The following ARHGAP15 variants were observed in gnomAD, a reference collection of about 807,000 sequenced individuals.
The protein encoded by ARHGAP15 is Rho GTPase activating protein 15.
A neutral mutation model predicts 63.7 loss-of-function variants in ARHGAP15; 51 were observed. The observed-to-expected ratio is 0.80, with a 90% CI of 0.64 to 1.01. The LOEUF is 1.01. Among genes scored for constraint, ARHGAP15 ranks in the 50% least tolerant of loss-of-function variants. The pLI, the probability that ARHGAP15 is intolerant of heterozygous loss-of-function variation, is 0.00. For synonymous variants in ARHGAP15, 191 were observed against 193.8 expected, an observed-to-expected ratio of 0.99 and a Z score of 0.12; for missense variants, 560 against 564.6, an observed-to-expected ratio of 0.99 and a Z score of 0.08.
rs202115707 is a variant in ARHGAP15, at chr2:143,467,242, CTTTTTTTTTTTTT to C, written c.704-20120_704-20108del. ...TCATGCTATTCAATTACTCCATGGC[CTTTTTTTTTTTTT>C]TTTTTTTTTTGCAGTCTTTTGTTTG... is the stretch of plus-strand genomic sequence containing the variant. On this transcript the variant is annotated intron_variant, in intron 8 of 13. Coordinates refer to ENST00000295095, the MANE Select transcript of ARHGAP15 (RefSeq NM_018460.4). Among the ~76,000 whole-genome samples, 16 of 57,918 alleles carry C rather than the reference CTTTTTTTTTTTTT, an allele frequency of 2.8e-4. No homozygotes were observed. The East Asian group carries it at 7.6e-3, about 28-fold the overall frequency. 38.0% of individuals were successfully genotyped at this position (57,918 alleles called of 152,430 possible). A position where few individuals can be genotyped will look rare whatever the true frequency, so the allele number is the denominator to read the frequency against.
rs570566483 is a variant in ARHGAP15, at chr2:143,648,381, C to A, written c.1138+24114C>A. On this transcript the variant is annotated intron_variant, in intron 12 of 13. Transcript: ENST00000295095. ...ATTAGGCAGATCTAAGTGCTAGTAGCCTACAGGGTAATTCAGATTTGAACA... is the reference window on the plus strand; with the variant it reads ...ATTAGGCAGATCTAAGTGCTAGTAGACTACAGGGTAATTCAGATTTGAACA... Among the ~76,000 whole-genome samples the A allele has an allele frequency of 4.6e-5, 7 of 152,100 alleles. No homozygotes were observed. In the South Asian group the frequency reaches 6.2e-4, roughly 14 times the overall value.
chr2:143,231,214 A>G (rs1039043989), intron 5 of ARHGAP15, among the ~76,000 whole-genome samples: 4 of 152,082 alleles, frequency 2.6e-5, no homozygotes, highest in African/African-American at 7.2e-5. Flanking sequence ...AAACAAATAC[A>G]TAATGAACAA....
At chr2:143,409,274 C>A (rs981187904) in intron 6 of ARHGAP15, among the ~76,000 whole-genome samples, 1 of 151,880 alleles carries the variant, frequency 6.6e-6, no homozygotes, top group African/African-American at 2.4e-5. Flanking sequence ...AACACAACAA[C>A]CTCATTAAAA....
intron 6 of ARHGAP15, among the ~76,000 whole-genome samples, chr2:143,297,172 A>G (rs1003802780): frequency 2.6e-5 from 4 of 151,982 alleles, no homozygotes; most frequent in Non-Finnish European, 4.4e-5. Context: ...CTGACAATTA[A>G]GCCTTAGCAA....
intron 10 of ARHGAP15, among the ~76,000 whole-genome samples, chr2:143,526,731 T>C (rs1694298453): frequency 6.6e-6 from 1 of 152,182 alleles, no homozygotes; most frequent in Non-Finnish European, 1.5e-5. Context: ...TTGCATGCAT[T>C]TGGAAAGCTT....
At chr2:143,384,763 A>C (rs887149293) in intron 6 of ARHGAP15, among the ~76,000 whole-genome samples, 3 of 152,192 alleles carry the variant, frequency 2.0e-5, no homozygotes, top group African/African-American at 7.2e-5. Context: ...AATCAGAGAC[A>C]TGAAGGCTCC....
At chr2:143,464,777 G>A (rs1445714348) in intron 8 of ARHGAP15, among the ~76,000 whole-genome samples, 1 of 151,842 alleles carries the variant, frequency 6.6e-6, no homozygotes, top group Non-Finnish European at 1.5e-5. Flanking sequence ...TTCTAATTTT[G>A]TCTTTATCAT....
intron 11 of ARHGAP15, among the ~76,000 whole-genome samples, chr2:143,575,071 A>G (rs1203368432): frequency 1.3e-5 from 2 of 152,140 alleles, no homozygotes; most frequent in African/African-American, 2.4e-5. Flanking sequence ...CACTAATACC[A>G]ACTCGCAAAT....
chr2:143,391,245 A>G (rs1418635853), intron 6 of ARHGAP15, among the ~76,000 whole-genome samples: 1 of 152,190 alleles, frequency 6.6e-6, no homozygotes, highest in Non-Finnish European at 1.5e-5. Context: ...AATGTAGTTG[A>G]TAATCACCTG....
At chr2:143,334,926 G>A (rs1684705070) in intron 6 of ARHGAP15, among the ~76,000 whole-genome samples, 1 of 152,150 alleles carries the variant, frequency 6.6e-6, no homozygotes, top group Non-Finnish European at 1.5e-5. Context: ...ACTTTGCTAT[G>A]CACATACTAC....
chr2:143,635,083 T>G (rs1680237087), intron 12 of ARHGAP15, among the ~76,000 whole-genome samples: 1 of 151,576 alleles, frequency 6.6e-6, no homozygotes, highest in Admixed American at 6.6e-5. Context: ...TTCTCCAAAC[T>G]GGAAATGTTT....
At chr2:143,521,445 G>A (rs1318714587) in intron 10 of ARHGAP15, among the ~76,000 whole-genome samples, 3 of 152,112 alleles carry the variant, frequency 2.0e-5, no homozygotes, top group Non-Finnish European at 4.4e-5. Context: ...CTGGCATAAA[G>A]CATTTCAGGA....
At chr2:143,515,155 TCTC>T (rs1693755335) in intron 9 of ARHGAP15, among the ~76,000 whole-genome samples, 3 of 151,944 alleles carry the variant, frequency 2.0e-5, no homozygotes, top group African/African-American at 7.3e-5. Context: ...GTTTAACTAA[TCTC>T]CTTGTGCTTC....
At chr2:143,338,171 G>T (rs543207430) in intron 6 of ARHGAP15, among the ~76,000 whole-genome samples, 2 of 152,230 alleles carry the variant, frequency 1.3e-5, no homozygotes, top group Middle Eastern at 3.4e-3. Flanking sequence ...ACTTACTTAG[G>T]AGTATACCAG....
intron 8 of ARHGAP15, among the ~76,000 whole-genome samples, chr2:143,470,699 G>GTATA (rs71404473): frequency 1.4e-5 from 2 of 147,902 alleles, no homozygotes; most frequent in Non-Finnish European, 3.0e-5. Flanking sequence ...GTATATATGT[G>GTATA]TATATATATG....
chr2:143,562,677 C>A (rs1696080932), intron 11 of ARHGAP15, among the ~76,000 whole-genome samples: 1 of 152,176 alleles, frequency 6.6e-6, no homozygotes, highest in Admixed American at 6.5e-5. Context: ...ACTCTAACAT[C>A]ATTCAGGGCT....
chr2:143,670,395 G>A (rs554325801), intron 12 of ARHGAP15, among the ~76,000 whole-genome samples: 1 of 152,280 alleles, frequency 6.6e-6, no homozygotes, highest in Admixed American at 6.5e-5. Flanking sequence ...GAAGATCAGC[G>A]AGACTGATGA....
At chr2:143,629,627 A>G (rs1698984880) in intron 12 of ARHGAP15, among the ~76,000 whole-genome samples, 1 of 152,196 alleles carries the variant, frequency 6.6e-6, no homozygotes, top group Non-Finnish European at 1.5e-5. Context: ...ATCCAAAGAA[A>G]AAAGACAACA....
At chr2:143,251,756 A>C (rs190379003) in intron 6 of ARHGAP15, among the ~76,000 whole-genome samples, 1 of 152,168 alleles carries the variant, frequency 6.6e-6, no homozygotes, top group East Asian at 1.9e-4. Context: ...GGAGAGAGAA[A>C]AGATAGAAGA....
Sources: gnomAD v4.1 joint callset for allele counts (sites outside exome capture counted in the v4.1 genomes callset) on GRCh38, gnomAD v4.1.1 for gene constraint, MANE v1.5 for transcripts, NCBI Gene and HGNC (gene_info 2026-07-23, HGNC 2026-07-21) for gene names.